Variants in GPHN observed in about 807,000 individuals in gnomAD.
GPHN encodes gephyrin.
GPHN carries 17 observed loss-of-function variants against 95.5 expected under a neutral mutation model. The ratio of observed to expected loss-of-function variants is 0.18; its 90% CI spans 0.12 to 0.27. The LOEUF is 0.27. Ranked by LOEUF, GPHN falls within the 10% of genes least tolerant of loss-of-function variation. The pLI is 1.00. For missense variants in GPHN, 660 were observed against 978.1 expected (o/e 0.67, Z 4.34); for synonymous variants, 320 against 322.5 (o/e 0.99, Z 0.08).
chr14:67,200,195 T>C, the GPHN span: 5 of 1,142,272 alleles, frequency 4.4e-6, no homozygotes, highest in African/African-American at 1.6e-5. Flanking sequence ...CTTCCTCCAC[T>C]GATGCCCCCC....
chr14:66,647,816 T>C (rs1393515329), intron 1 of GPHN, among the ~76,000 whole-genome samples: 1 of 152,166 alleles, frequency 6.6e-6, no homozygotes. Context: ...TTATGAAATA[T>C]GTATGTGCAT....
At chr14:67,482,605 G>A in the GPHN span, among the ~76,000 whole-genome samples, 2 of 152,208 alleles carry the variant, frequency 1.3e-5, no homozygotes, top group Non-Finnish European at 2.9e-5. Context: ...ACGCAGCGGG[G>A]GACAGCTTCA....
intron 8 of GPHN, among the ~76,000 whole-genome samples, chr14:66,934,995 A>T (rs568484643): frequency 1.3e-5 from 2 of 152,188 alleles, no homozygotes; most frequent in Non-Finnish European, 2.9e-5. Flanking sequence ...CAGTAAAAAA[A>T]CCTGATTCAA....
At chr14:67,223,879 CAA>C in the GPHN span, 2 of 985,694 alleles carry the variant, frequency 2.0e-6, no homozygotes, top group Non-Finnish European at 2.4e-6. Flanking sequence ...CCAAGAAAAG[CAA>C]AGACTGGCTG....
chr14:66,792,181 C>G (rs181710503), intron 3 of GPHN, among the ~76,000 whole-genome samples: 1 of 152,056 alleles, frequency 6.6e-6, no homozygotes, highest in South Asian at 2.1e-4. Context: ...GTAAGAATGT[C>G]GTAACTCCTG....
At chr14:67,279,047 T>G in the GPHN span, 18 of 878,948 alleles carry the variant, frequency 2.0e-5, no homozygotes, top group Non-Finnish European at 2.3e-5. Flanking sequence ...TTTCATAGCA[T>G]TATTATGTGA....
the GPHN span, chr14:67,613,089 A>G: frequency 1.3e-5 from 2 of 152,202 alleles, no homozygotes; most frequent in Non-Finnish European, 2.9e-5. Flanking sequence ...GAGGATTGCA[A>G]TACAGGAGCA....
intron 10 of GPHN, among the ~76,000 whole-genome samples, chr14:67,034,182 A>G (rs538369586): frequency 1.4e-4 from 21 of 152,320 alleles, no homozygotes; most frequent in African/African-American, 4.1e-4. Context: ...TCAGAATACT[A>G]TATTACTATA....
At chr14:66,776,783 G>A (rs1163025557) in intron 3 of GPHN, among the ~76,000 whole-genome samples, 1 of 152,040 alleles carries the variant, frequency 6.6e-6, no homozygotes, top group Non-Finnish European at 1.5e-5. Context: ...ATCTACATAA[G>A]AAAACACTGT....
intron 2 of GPHN, among the ~76,000 whole-genome samples, chr14:66,723,583 T>A (rs1484832390): frequency 2.0e-5 from 3 of 152,112 alleles, no homozygotes; most frequent in Admixed American, 6.5e-5. Flanking sequence ...TGTTTTTGCC[T>A]TTTTAAAGTG....
chr14:67,066,947 A>G (rs565928245), intron 11 of GPHN, among the ~76,000 whole-genome samples: 1 of 152,342 alleles, frequency 6.6e-6, no homozygotes, highest in African/African-American at 2.4e-5. Context: ...TGTCAAAGAC[A>G]TTCTCCATCT....
chr14:66,945,606 C>T (rs113106725), intron 8 of GPHN, among the ~76,000 whole-genome samples: 2,300 of 152,176 alleles, frequency 0.015, 32 homozygotes, highest in Non-Finnish European at 0.018. Flanking sequence ...ACACCACCTG[C>T]TTCCCCCAAA....
At chr14:67,727,147 G>T in the GPHN span, 1 of 1,614,094 alleles carries the variant, frequency 6.2e-7, no homozygotes, top group Non-Finnish European at 8.5e-7. Flanking sequence ...ACAGCAAGCT[G>T]GCCAATGTGC....
intron 3 of GPHN, among the ~76,000 whole-genome samples, chr14:66,791,410 A>G (rs2059965549): frequency 6.6e-6 from 1 of 152,236 alleles, no homozygotes; most frequent in South Asian, 2.1e-4. Context: ...AAATAAATAA[A>G]TAAAATGGCT....
At chr14:67,301,927 T>C in the GPHN span, 11 of 1,558,632 alleles carry the variant, frequency 7.1e-6, no homozygotes, top group Non-Finnish European at 7.8e-6. Flanking sequence ...TCTGCAGAAA[T>C]AAATCATGCT....
chr14:67,486,280 T>A, the GPHN span, among the ~76,000 whole-genome samples: 1 of 152,194 alleles, frequency 6.6e-6, no homozygotes, highest in Non-Finnish European at 1.5e-5. Flanking sequence ...TGGGTTTTTG[T>A]TTTGTTTTGT....
chr14:66,933,731 T>A (rs953974573), intron 8 of GPHN, among the ~76,000 whole-genome samples: 2 of 152,212 alleles, frequency 1.3e-5, no homozygotes, highest in Non-Finnish European at 2.9e-5. Flanking sequence ...AGGAAATTTT[T>A]ATAAACTTTG....
At chr14:67,492,721 AAAC>A in the GPHN span, among the ~76,000 whole-genome samples, 1 of 152,240 alleles carries the variant, frequency 6.6e-6, no homozygotes, top group East Asian at 1.9e-4. Flanking sequence ...AGAGATTTCT[AAAC>A]AACAAGGGAA....
chr14:67,238,269 C>CTTTTTTTTTT, the GPHN span, among the ~76,000 whole-genome samples: 9 of 125,246 alleles, frequency 7.2e-5, no homozygotes, highest in African/African-American at 2.5e-4. Context: ...TTCTTGCTTT[C>CTTTTTTTTTT]TTTTTTTTTT....
Sources: gnomAD v4.1 joint callset for allele counts (sites outside exome capture counted in the v4.1 genomes callset) on GRCh38, gnomAD v4.1.1 for gene constraint, MANE v1.5 for transcripts, NCBI Gene and HGNC (gene_info 2026-07-23, HGNC 2026-07-21) for gene names.